Variants in IMMP2L observed in about 807,000 individuals in gnomAD.
IMMP2L encodes the protein inner mitochondrial membrane peptidase subunit 2.
A neutral mutation model predicts 19.3 loss-of-function variants in IMMP2L; 18 were observed. The observed-to-expected ratio is 0.93, with a 90% CI of 0.64 to 1.38. The LOEUF (loss-of-function observed/expected upper bound fraction) is 1.38, where lower values mean the gene tolerates loss of function less well. Among genes scored for constraint, IMMP2L ranks in the 40% most tolerant of loss-of-function variants. IMMP2L has a pLI of 0.00. For missense variants in IMMP2L, 233 were observed against 218.2 expected (o/e 1.07, Z -0.43); for synonymous variants, 76 against 73.0 (o/e 1.04, Z -0.21).
At chr7:111,185,619 T>C (rs767225431) in intron 3 of IMMP2L, among the ~76,000 whole-genome samples, 2 of 152,178 alleles carry the variant, frequency 1.3e-5, no homozygotes, top group Non-Finnish European at 2.9e-5. Context: ...AACCTACAAG[T>C]ATTCTTGTAG....
At chr7:111,071,034 T>C (rs1014124266) in intron 3 of IMMP2L, among the ~76,000 whole-genome samples, 1 of 152,082 alleles carries the variant, frequency 6.6e-6, no homozygotes, top group Non-Finnish European at 1.5e-5. Context: ...AAAAGACAGA[T>C]AACCCACTTT....
chr7:111,123,481 A>T lies in IMMP2L; in HGVS notation c.240-159916T>A. ...AGATAACGCCTTGGTTGGACTGGAA[A>T]ACTTAGAAAGCATCTCTTTTTACGA... On this transcript the variant is annotated intron_variant, in intron 3 of 5. Transcript: ENST00000405709. This position sits in a 1 kb window ranked among gnomAD's most constrained non-coding sequence, Gnocchi z 6.4. The T allele has an allele frequency of 1.2e-6, 2 of 1,613,884 alleles. No individual in the cohort carries two copies.
At chr7:110,941,936 A>G (rs779138487) in intron 4 of IMMP2L, among the ~76,000 whole-genome samples, 22 of 150,994 alleles carry the variant, frequency 1.5e-4, no homozygotes, top group Non-Finnish European at 2.4e-4. Context: ...CGAAACAGCT[A>G]TCCTTTAGTA....
At chr7:111,508,714 G>T (rs760254991) in intron 2 of IMMP2L, among the ~76,000 whole-genome samples, 3 of 152,146 alleles carry the variant, frequency 2.0e-5, no homozygotes, top group African/African-American at 4.8e-5. Flanking sequence ...AGGTGGGCAC[G>T]ACAGAGTAGA....
chr7:111,046,103 CATAAA>C (rs1388797280), intron 3 of IMMP2L, among the ~76,000 whole-genome samples: 4 of 151,612 alleles, frequency 2.6e-5, no homozygotes, highest in African/African-American at 7.3e-5. Context: ...ATGACATGTC[CATAAA>C]ATAAAACATA....
At chr7:111,282,874 T>C (rs758986463) in intron 3 of IMMP2L, among the ~76,000 whole-genome samples, 2 of 152,290 alleles carry the variant, frequency 1.3e-5, no homozygotes, top group East Asian at 1.9e-4. Context: ...TGAGACACCA[T>C]GGCCTGGCCA....
chr7:110,927,378 C>T (rs767197064), intron 4 of IMMP2L, among the ~76,000 whole-genome samples: 13 of 151,944 alleles, frequency 8.6e-5, no homozygotes, highest in Non-Finnish European at 1.6e-4. Context: ...TTCCTAGAGC[C>T]GGTGAATATG....
intron 3 of IMMP2L, among the ~76,000 whole-genome samples, chr7:111,474,381 A>G (rs1177828462): frequency 6.6e-6 from 1 of 152,108 alleles, no homozygotes; most frequent in Non-Finnish European, 1.5e-5. Context: ...CTAAGGAATC[A>G]TACCTCCTTG....
At chr7:111,198,649 T>C (rs1306716998) in intron 3 of IMMP2L, among the ~76,000 whole-genome samples, 1 of 152,180 alleles carries the variant, frequency 6.6e-6, no homozygotes, top group African/African-American at 2.4e-5. Flanking sequence ...GATGCCTTTT[T>C]CCACCATAAC....
At chr7:110,767,821 T>C (rs1798765576) in intron 5 of IMMP2L, among the ~76,000 whole-genome samples, 1 of 152,190 alleles carries the variant, frequency 6.6e-6, no homozygotes, top group African/African-American at 2.4e-5. Flanking sequence ...AGAATCCTGG[T>C]AATGTCCCTA....
chr7:111,167,770 T>A (rs890702729), intron 3 of IMMP2L, among the ~76,000 whole-genome samples: 4 of 151,954 alleles, frequency 2.6e-5, no homozygotes, highest in Non-Finnish European at 5.9e-5. Flanking sequence ...CTGTTGTGTT[T>A]ACTCGGAATC....
At chr7:110,962,363 T>G (rs376345603) in intron 4 of IMMP2L, 1 of 152,020 alleles carries the variant, frequency 6.6e-6, no homozygotes, top group Admixed American at 6.6e-5. Context: ...TAAACCCTTA[T>G]GTTAACAAAA....
chr7:111,007,497 G>C (rs1238896746), intron 3 of IMMP2L, among the ~76,000 whole-genome samples: 1 of 152,012 alleles, frequency 6.6e-6, no homozygotes, highest in Non-Finnish European at 1.5e-5. Flanking sequence ...CTCATCAGCT[G>C]TACCTTCTCA....
intron 3 of IMMP2L, among the ~76,000 whole-genome samples, chr7:111,200,018 T>C (rs1432476936): frequency 4.6e-5 from 7 of 152,090 alleles, no homozygotes; most frequent in Non-Finnish European, 8.8e-5. Context: ...TTCACAACTC[T>C]CAGGTTTCAA....
chr7:110,919,886 G>A (rs989649574), intron 4 of IMMP2L, among the ~76,000 whole-genome samples: 12 of 152,136 alleles, frequency 7.9e-5, no homozygotes, highest in Admixed American at 2.0e-4. Flanking sequence ...TCCTCAAACT[G>A]GCTGGGTACT....
At chr7:111,482,490 A>C (rs1205982497) in intron 3 of IMMP2L, among the ~76,000 whole-genome samples, 2 of 152,060 alleles carry the variant, frequency 1.3e-5, no homozygotes, top group Non-Finnish European at 2.9e-5. Flanking sequence ...CTTCCTTTCT[A>C]GCTCTCTATA....
intron 4 of IMMP2L, among the ~76,000 whole-genome samples, chr7:110,905,573 A>G (rs1358277107): frequency 6.6e-6 from 1 of 152,164 alleles, no homozygotes; most frequent in Non-Finnish European, 1.5e-5. Context: ...AGAACTTATC[A>G]GGTAAAGAAG....
At chr7:111,260,047 C>T (rs1220927737) in intron 3 of IMMP2L, among the ~76,000 whole-genome samples, 2 of 152,046 alleles carry the variant, frequency 1.3e-5, no homozygotes, top group African/African-American at 4.8e-5. Context: ...AAGGACCTGC[C>T]TAAGGCTGTT....
chr7:110,857,343 G>A (rs1806901353), intron 5 of IMMP2L, among the ~76,000 whole-genome samples: 1 of 152,044 alleles, frequency 6.6e-6, no homozygotes, highest in East Asian at 1.9e-4. Context: ...CCTACCAATT[G>A]TGTGATCCTG....
Sources: allele counts gnomAD v4.1 joint callset (sites outside exome capture counted in the v4.1 genomes callset), GRCh38; gene constraint gnomAD v4.1.1; non-coding constraint Gnocchi (gnomAD v3.1); transcripts MANE v1.5; gene names NCBI Gene and HGNC (gene_info 2026-07-23, HGNC 2026-07-21).